The following SCUBE2 variants were observed in gnomAD, a reference collection of about 807,000 sequenced individuals.
The protein encoded by SCUBE2 is signal peptide, CUB domain and EGF like domain containing 2.
Under a neutral mutation model 125.9 loss-of-function variants are expected in SCUBE2, and 114 were observed. That is an observed-to-expected ratio of 0.91 (90% CI 0.78 to 1.06). SCUBE2 has a LOEUF of 1.06. Ranked by LOEUF, SCUBE2 falls within the 50% of genes least tolerant of loss-of-function variation. The pLI is 0.00. For synonymous variants in SCUBE2, 459 were observed against 492.9 expected (o/e 0.93, Z 0.91); for missense variants, 1,255 against 1,301.8 (o/e 0.96, Z 0.55).
rs1231869850 is a variant in SCUBE2, at chr11:9,066,944, C to T, written c.644-131G>A. 1.1e-4 allele frequency: 74 copies of T among 700,230 alleles called. No individual in the cohort carries two copies. In the South Asian group the frequency reaches 1.1e-3, roughly 11 times the overall value. The allele number at this position is 700,230 out of a possible 1,614,324, so 43.4% of individuals were successfully genotyped here. A position where few individuals can be genotyped will look rare whatever the true frequency, so the allele number is the denominator to read the frequency against. ...CCTAGTGCATGCCAGGCATGGTGCA[C>T]GAAAGACATAACTCCAAGTCAGACC... On this transcript the variant is annotated intron_variant, in intron 5 of 22. Coordinates refer to ENST00000649792, the MANE Select transcript of SCUBE2 (RefSeq NM_001367977.2).
intron 3 of SCUBE2, among the ~76,000 whole-genome samples, chr11:9,076,513 A>G (rs573987054): frequency 3.9e-4 from 59 of 151,970 alleles, no homozygotes; most frequent in African/African-American, 1.4e-3. Context: ...TAACTATTCA[A>G]TGCATGAACA....
chr11:9,045,602 GACAGACAGACACACAC>G (rs1186391693), intron 16 of SCUBE2, among the ~76,000 whole-genome samples: 23 of 75,466 alleles, frequency 3.0e-4, no homozygotes, highest in South Asian at 2.9e-3. Context: ...CTAGAAGACA[GACAGACAGACACACAC>G]ACACACACAC....
chr11:9,052,434 C>T (rs1263806885), intron 13 of SCUBE2, among the ~76,000 whole-genome samples: 1 of 152,230 alleles, frequency 6.6e-6, no homozygotes, highest in Non-Finnish European at 1.5e-5. Context: ...AGGCACATTC[C>T]CTGGGCCTTT....
intron 3 of SCUBE2, among the ~76,000 whole-genome samples, chr11:9,077,721 C>A (rs1861314583): frequency 6.6e-6 from 1 of 152,150 alleles, no homozygotes; most frequent in Admixed American, 6.5e-5. Flanking sequence ...GAGTCCTTAC[C>A]CCATTCAGAA....
chr11:9,042,501 C>T (rs1857346377), intron 16 of SCUBE2, among the ~76,000 whole-genome samples: 1 of 152,174 alleles, frequency 6.6e-6, no homozygotes, highest in East Asian at 1.9e-4. Context: ...TGCCTTCCTG[C>T]ACTCCTCTCA....
At chr11:9,030,637 C>A (rs1463824088) in intron 18 of SCUBE2, 121 bp downstream of exon 18, 1 of 1,012,378 alleles carries the variant, frequency 9.9e-7, no homozygotes, top group Non-Finnish European at 1.5e-6. Context: ...GGAGCTGGGA[C>A]CTGAACCCCC....
intron 10 of SCUBE2, 107 bp downstream of exon 10, chr11:9,055,686 G>T: frequency 1.2e-6 from 1 of 806,316 alleles, no homozygotes; most frequent in Non-Finnish European, 2.2e-6. Context: ...GGACTGCAAT[G>T]TACCTTTCAT....
chr11:9,021,067 C>G lies in SCUBE2; in HGVS notation c.3065G>C (p.Arg1022Thr). The part of the protein sequence containing the change: ...FIRLLRSKVS[R>T]FLRPYK ...GAGTCATTTGTAAGGTCTCAAAAACCTGGACACTTTGGAACGTAGCAATCG... is the reference window on the plus strand; with the variant it reads ...GAGTCATTTGTAAGGTCTCAAAAACGTGGACACTTTGGAACGTAGCAATCG... Residue 1022 changes from arginine to threonine, a missense_variant, in exon 23 of 23, where the codon AGG becomes ACG. By Grantham distance (71) the Arg-to-Thr change is moderately conservative. Coordinates refer to ENST00000649792, the MANE Select transcript of SCUBE2 (RefSeq NM_001367977.2). 6.2e-7 allele frequency: 1 copy of G among 1,613,494 alleles called. No homozygotes were observed. The highest frequency in any genetic ancestry group is 8.5e-7 in the Non-Finnish European group (1 of 1,179,748).
chr11:9,031,870 T>G (rs1213661492), intron 17 of SCUBE2, among the ~76,000 whole-genome samples: 1 of 116,332 alleles, frequency 8.6e-6, no homozygotes, highest in African/African-American at 2.5e-5. Flanking sequence ...TTTTCCCCCA[T>G]AAGTTATAGA....
chr11:9,049,536 A>C (rs1393042858), intron 14 of SCUBE2, among the ~76,000 whole-genome samples: 1 of 152,174 alleles, frequency 6.6e-6, no homozygotes, highest in Non-Finnish European at 1.5e-5. Context: ...ATGAGGCACC[A>C]CAACTGGTTC....
rs1300396715 is a variant in SCUBE2, at chr11:9,059,493, G to A, written c.968-68C>T. On this transcript the variant is annotated intron_variant, in intron 8 of 22. Transcript: ENST00000649792. ...CCTCATTTCCCACAACTCCCTGAAGGGCCATTGTGTGTGTTCATTAGTCTC... is the reference window on the plus strand; with the variant it reads ...CCTCATTTCCCACAACTCCCTGAAGAGCCATTGTGTGTGTTCATTAGTCTC... The A allele has an allele frequency of 4.5e-6, 7 of 1,551,546 alleles. No homozygotes were observed. The East Asian group carries it at 1.6e-4, about 36-fold the overall frequency.
chr11:9,082,672 C>T (rs933286094), intron 2 of SCUBE2, among the ~76,000 whole-genome samples: 2 of 152,156 alleles, frequency 1.3e-5, no homozygotes, highest in South Asian at 2.1e-4. Flanking sequence ...TATAAGCTAC[C>T]ACATGGACAA....
intron 4 of SCUBE2, among the ~76,000 whole-genome samples, chr11:9,073,686 C>A (rs1030726856): frequency 2.0e-5 from 3 of 152,130 alleles, no homozygotes; most frequent in Non-Finnish European, 2.9e-5. Context: ...TAGGCAGATG[C>A]AACTCCAAGA....
At chr11:9,072,571 TAGA>T (rs919689854) in intron 4 of SCUBE2, among the ~76,000 whole-genome samples, 37 of 152,304 alleles carry the variant, frequency 2.4e-4, no homozygotes, top group African/African-American at 8.4e-4. Context: ...GAGGAAATCC[TAGA>T]AGAAAACTTT....
At chr11:9,031,495 G>A (rs1196220494) in intron 17 of SCUBE2, among the ~76,000 whole-genome samples, 1 of 152,108 alleles carries the variant, frequency 6.6e-6, no homozygotes, top group Non-Finnish European at 1.5e-5. Flanking sequence ...CAGACATAGT[G>A]GCACATGTCT....
chr11:9,066,637 T>C (rs879504709), intron 6 of SCUBE2, 60 bp downstream of exon 6: 2 of 1,322,924 alleles, frequency 1.5e-6, no homozygotes, highest in Middle Eastern at 2.0e-4. Flanking sequence ...CATTAAGGGG[T>C]AGGGGTAGGG....
intron 2 of SCUBE2, among the ~76,000 whole-genome samples, chr11:9,084,593 A>G (rs1861910008): frequency 6.6e-6 from 1 of 152,216 alleles, no homozygotes; most frequent in Non-Finnish European, 1.5e-5. Context: ...TGCTCAGGCA[A>G]TCAAGGTTAA....
In SCUBE2 at chr11:9,021,003, C is replaced by T; in HGVS notation, c.*42G>A. On this transcript the variant is annotated 3_prime_UTR_variant, in exon 23 of 23. Transcript: ENST00000649792. Reference sequence around the variant, plus strand: ...AAGGAAGACAGCTCTGTCCCACCAACCCTATAGCAGAACATTTGTATTGAG... The same window carrying T: ...AAGGAAGACAGCTCTGTCCCACCAATCCTATAGCAGAACATTTGTATTGAG... The T allele has an allele frequency of 6.3e-7, 1 of 1,585,930 alleles. No individual in the cohort carries two copies. Among genetic ancestry groups the T allele is most frequent in the South Asian group, 1.2e-5 (1 of 85,522 alleles).
intron 21 of SCUBE2, chr11:9,022,731 T>A (rs1855410317): frequency 6.5e-6 from 1 of 152,728 alleles, no homozygotes; most frequent in Non-Finnish European, 1.5e-5. Context: ...CTCTGAGGCT[T>A]CTTTGCTTTT....
Sources: gnomAD v4.1 joint callset for allele counts (sites outside exome capture counted in the v4.1 genomes callset) on GRCh38, gnomAD v4.1.1 for gene constraint, MANE v1.5 for transcripts, NCBI Gene and HGNC (gene_info 2026-07-23, HGNC 2026-07-21) for gene names.